CARD10: variants seen among roughly 807,000 people sequenced by gnomAD.
CARD10 encodes caspase recruitment domain-containing protein 10.
Under a neutral mutation model 114.6 loss-of-function variants are expected in CARD10, and 49 were observed. The ratio of observed to expected loss-of-function variants is 0.43; its 90% confidence interval spans 0.34 to 0.54. The LOEUF (loss-of-function observed/expected upper bound fraction) is 0.54, where lower values mean the gene tolerates loss of function less well. Among genes scored for constraint, CARD10 ranks in the 20% least tolerant of loss-of-function variants. The pLI is 0.03. For missense variants in CARD10, 1,206 were observed against 1,397.2 expected, an observed-to-expected ratio of 0.86 and a Z score of 2.18; for synonymous variants, 602 against 593.2, an observed-to-expected ratio of 1.01 and a Z score of -0.21.
intron 3 of CARD10, among the ~76,000 whole-genome samples, chr22:37,511,357 C>CAAAA (rs1169625822): frequency 9.1e-5 from 6 of 65,780 alleles, no homozygotes; most frequent in South Asian, 6.2e-4. Flanking sequence ...GACCCTGTCT[C>CAAAA]AAAAAAAAAA....
intron 5 of CARD10, 76 bp downstream of exon 5, chr22:37,508,451 C>G: frequency 3.5e-6 from 5 of 1,420,546 alleles, no homozygotes; most frequent in Non-Finnish European, 4.7e-6. Context: ...CAAGCAGATG[C>G]TCAGGGAAGG....
In CARD10 at chr22:37,502,709, C is replaced by A; in HGVS notation, c.1680G>T (p.Lys560Asn). The change falls in exon 11 of 20, where the codon AAG becomes AAT. Residue 560 changes from lysine (K) to asparagine (N), a missense_variant. Transcript: ENST00000251973. ...MSDITGSVTL[K>N]PWSPGLSSSS... ...ACGAAGAGAGGCCAGGGGACCAGGGCTTAAGTGTCACACTCCCTGGGGAAA... is the reference window on the plus strand; with the variant it reads ...ACGAAGAGAGGCCAGGGGACCAGGGATTAAGTGTCACACTCCCTGGGGAAA... 1 of 1,613,442 alleles carries A rather than the reference C, an allele frequency of 6.2e-7. No homozygotes were observed.
chr22:37,517,353 T>C lies in CARD10; in HGVS notation c.373+618A>G, dbSNP rs1212125014. 2.0e-5 allele frequency among the ~76,000 whole-genome samples: 3 copies of C among 152,230 alleles called. No homozygotes were observed. In the East Asian group the frequency reaches 5.8e-4, roughly 30 times the overall value. ...TGTTTGTGTTTTTTATATAAAAAAA[T>C]TCAGCTAGGCGCAGTGGCTCACGCC... On this transcript the variant is annotated intron_variant, in intron 2 of 19. Coordinates refer to ENST00000251973, the MANE Select transcript of CARD10 (RefSeq NM_014550.4).
intron 2 of CARD10, among the ~76,000 whole-genome samples, chr22:37,517,553 A>C (rs1455386786): frequency 6.6e-6 from 1 of 152,152 alleles, no homozygotes; most frequent in Admixed American, 6.5e-5. Flanking sequence ...GAGGCAGGAG[A>C]ATCGCTTGAA....
rs1414002705 is a variant in CARD10, at chr22:37,519,153, G to A, written c.48C>T (p.Ala16=). ...CCTCCTCCGCCTCAGACCCCGAGCC[G>A]GCCCCGGCCTCCTCCTCGGCCTCCC... ...EAGEAEEEAG[A]GSGSEAEEDA... is the part of the protein sequence containing the mutation. Residue 16 remains alanine, a synonymous_variant, in exon 1 of 20, where the codon GCC becomes GCT. Transcript: ENST00000251973. This position sits in a 1 kb window ranked among gnomAD's most constrained non-coding sequence, Gnocchi z 4.1. The A allele has an allele frequency of 6.5e-7, 1 of 1,542,990 alleles. No individual in the cohort carries two copies. The highest frequency in any genetic ancestry group is 8.7e-7 in the Non-Finnish European group (1 of 1,150,524).
chr22:37,503,111 C>T (rs1477119106), intron 10 of CARD10, 74 bp downstream of exon 10: 3 of 1,482,512 alleles, frequency 2.0e-6, no homozygotes, highest in South Asian at 1.2e-5. Context: ...GCAGGTGGTG[C>T]AGGCTTCAGG....
intron 16 of CARD10, 96 bp downstream of exon 16, chr22:37,493,990 G>A: frequency 1.1e-6 from 1 of 933,318 alleles, no homozygotes; most frequent in Non-Finnish European, 1.7e-6. Flanking sequence ...GGCCCTTCCA[G>A]GCCAAAGAGG....
Position 37,492,004 on chromosome 22 carries a change from C to G in CARD10, c.2752-137G>C. On this transcript the variant is annotated intron_variant, in intron 18 of 19. Transcript: ENST00000251973. This position sits in a 1 kb window ranked among gnomAD's most constrained non-coding sequence, Gnocchi z 5.7. ...TCCCCACCCAGAGGGACCCTGGCAACGAGGAAGGAGCCCAAAAGTACAGAC... is the reference window on the plus strand; with the variant it reads ...TCCCCACCCAGAGGGACCCTGGCAAGGAGGAAGGAGCCCAAAAGTACAGAC... The G allele has an allele frequency of 1.5e-6, 1 of 653,520 alleles. No homozygotes were observed. The highest frequency in any genetic ancestry group is 2.7e-5 in the East Asian group (1 of 36,578). The allele number at this position is 653,520 out of a possible 1,614,324, so 40.5% of individuals were successfully genotyped here.
Position 37,492,572 on chromosome 22 carries a change from A to G in CARD10, c.2636-22T>C, listed in dbSNP as rs1922842278. 6.2e-7 allele frequency: 1 copy of G among 1,602,616 alleles called. No homozygotes were observed. The highest frequency in any genetic ancestry group is 8.5e-7 in the Non-Finnish European group (1 of 1,173,368). ...CTTTCTGCACAGGGAGTGGAGAGGG[A>G]GAGATGAAGGATCCATGGGCCCGGC... On this transcript the variant is annotated intron_variant, in intron 17 of 19. Transcript: ENST00000251973. The surrounding 1 kb of genome is among the most constrained non-coding windows in gnomAD (Gnocchi z 5.7).
Position 37,518,106 on chromosome 22 carries a change from G to A in CARD10, c.238C>T (p.Arg80Cys), listed in dbSNP as rs1923902797. 1 of 1,613,490 alleles carries A rather than the reference G, an allele frequency of 6.2e-7. No homozygotes were observed. Among genetic ancestry groups the A allele is most frequent in the Non-Finnish European group, 8.5e-7 (1 of 1,179,824 alleles). The change falls in exon 2 of 20, where the codon CGC becomes TGC. Residue 80 changes from arginine to cysteine, a missense_variant and splice_region_variant. Physicochemically the swap from Arg to Cys is radical, Grantham distance 180. Around this residue, in one of 2 missense-constraint regions of CARD10, gnomAD observed 138 missense variants for 218.0 expected, o/e 0.63. Transcript: ENST00000251973. ...RFPCRVNRTG[R>C]LMDILRCRGK... is the part of the protein sequence containing the mutation. ...CGGCAGCGCAAGATGTCCATCAGGC[G>A]CCCTACAGAGTAGTGGGGGGATGTA...
At chr22:37,491,664 G>T (rs1193986097) in intron 19 of CARD10, 91 bp downstream of exon 19, 1 of 625,458 alleles carries the variant, frequency 1.6e-6, no homozygotes, top group Non-Finnish European at 2.8e-6. Flanking sequence ...AAGAGGGGGA[G>T]GGAGAGAGAG....
intron 11 of CARD10, among the ~76,000 whole-genome samples, chr22:37,500,982 C>A (rs1157404707): frequency 3.3e-5 from 5 of 152,128 alleles, no homozygotes; most frequent in African/African-American, 1.2e-4. Context: ...AATTCAGAGA[C>A]ATGCCCAAGG....
chr22:37,494,799 T>C (rs1922933635), intron 15 of CARD10, among the ~76,000 whole-genome samples: 1 of 152,134 alleles, frequency 6.6e-6, no homozygotes, highest in Non-Finnish European at 1.5e-5. Context: ...ACACAGCTGA[T>C]AGGTGGCAGA....
At chr22:37,509,626 C>A (rs1390867762) in intron 4 of CARD10, among the ~76,000 whole-genome samples, 1 of 149,296 alleles carries the variant, frequency 6.7e-6, no homozygotes, top group Non-Finnish European at 1.5e-5. Context: ...CTGCTGCAGG[C>A]CCTCCTGACC....
intron 10 of CARD10, 82 bp from the exon 11 acceptor site, chr22:37,502,807 C>G: frequency 6.7e-7 from 1 of 1,499,882 alleles, no homozygotes; most frequent in South Asian, 1.3e-5. Flanking sequence ...TGACCCCCCT[C>G]CAGCCCAGAG....
intron 5 of CARD10, 109 bp downstream of exon 5, chr22:37,508,418 A>G: frequency 8.5e-7 from 1 of 1,180,460 alleles, no homozygotes; most frequent in Non-Finnish European, 1.2e-6. Flanking sequence ...AAATGAATGC[A>G]GTTCTCAGCG....
chr22:37,494,545 C>A, intron 15 of CARD10: 1 of 299,898 alleles, frequency 3.3e-6, no homozygotes, highest in Non-Finnish European at 6.3e-6. Flanking sequence ...AGGGTCTCTT[C>A]CAATGAATTA....
chr22:37,495,489 C>A (rs1569162502), intron 15 of CARD10, 28 bp downstream of exon 15: 5 of 1,586,574 alleles, frequency 3.2e-6, no homozygotes, highest in Middle Eastern at 1.9e-4. Flanking sequence ...TGGGGCCCCC[C>A]ACCCACTACC....
chr22:37,508,905 T>C, intron 4 of CARD10: 6 of 1,363,148 alleles, frequency 4.4e-6, no homozygotes, highest in Non-Finnish European at 6.0e-6. Flanking sequence ...GGGGTACAAG[T>C]AAGCTAATAA....
Sources: gnomAD v4.1 joint callset for allele counts (sites outside exome capture counted in the v4.1 genomes callset) on GRCh38, gnomAD v4.1.1 for gene constraint, gnomAD v4.1.1 regional missense constraint, Gnocchi (gnomAD v3.1) non-coding constraint, MANE v1.5 for transcripts, NCBI Gene and HGNC (gene_info 2026-07-23, HGNC 2026-07-21) for gene names.